The following PRKG1 variants were observed in gnomAD, a reference collection of about 807,000 sequenced individuals.
PRKG1 encodes cGMP-dependent protein kinase 1.
PRKG1 carries 35 observed loss-of-function variants against 88.1 expected under a neutral mutation model. The ratio of observed to expected loss-of-function variants is 0.40; its 90% CI spans 0.30 to 0.53. PRKG1 has a LOEUF of 0.53. PRKG1 is among the 20% of genes least tolerant of loss of function. The probability of loss-of-function intolerance (pLI) is 0.59; values close to 1 mark genes in which losing one functional copy is unlikely to be tolerated. For missense variants in PRKG1, 540 were observed against 839.8 expected, an observed-to-expected ratio of 0.64 and a Z score of 4.41; for synonymous variants, 303 against 292.5, an observed-to-expected ratio of 1.04 and a Z score of -0.37.
intron 3 of PRKG1, among the ~76,000 whole-genome samples, chr10:51,515,878 C>G (rs1272819912): frequency 1.3e-5 from 2 of 152,122 alleles, no homozygotes; most frequent in East Asian, 3.9e-4. Context: ...ATGTGGGCCC[C>G]GTGGCAGTGT....
At chr10:52,259,972 C>T (rs555007231) in intron 10 of PRKG1, among the ~76,000 whole-genome samples, 8 of 151,894 alleles carry the variant, frequency 5.3e-5, no homozygotes, top group Non-Finnish European at 8.8e-5. Flanking sequence ...AAGAAGTTAT[C>T]TTTTTCTTTT....
rs1014612502 is a variant in PRKG1, at chr10:51,581,045, A to G, written c.592+113209A>G. Among the ~76,000 whole-genome samples the G allele has an allele frequency of 1.7e-4, 26 of 152,080 alleles. 2 individuals are homozygous for G. Among genetic ancestry groups the G allele is most frequent in the Admixed American group, 1.7e-3 (26 of 15,260 alleles). On this transcript the variant is annotated intron_variant, in intron 3 of 17. Transcript: ENST00000373980. ...GCCTTCTGGTCCCACGATGCCTCCA[A>G]TGCACTGGATATACCAGCATTTATT...
intron 1 of PRKG1, among the ~76,000 whole-genome samples, chr10:51,122,056 C>A (rs1228018891): frequency 2.6e-5 from 4 of 152,132 alleles, no homozygotes; most frequent in Admixed American, 6.6e-5. Flanking sequence ...AGCATCATGT[C>A]GCTGCTAAAC....
At chr10:51,425,258 T>A (rs1838542724) in intron 2 of PRKG1, among the ~76,000 whole-genome samples, 1 of 152,240 alleles carries the variant, frequency 6.6e-6, no homozygotes, top group Admixed American at 6.5e-5. Flanking sequence ...AAATTATTAA[T>A]GTTTCTGATC....
intron 3 of PRKG1, chr10:51,699,106 C>T (rs1030875757): frequency 1.9e-6 from 3 of 1,614,210 alleles, no homozygotes; most frequent in Non-Finnish European, 2.5e-6. Context: ...GGACACAGAG[C>T]TTCATCTGCT....
intron 5 of PRKG1, among the ~76,000 whole-genome samples, chr10:51,974,885 T>C (rs1370773444): frequency 1.3e-5 from 2 of 152,124 alleles, no homozygotes; most frequent in Admixed American, 1.3e-4. Context: ...TACAGTAGCT[T>C]ATACCTAGTA....
chr10:51,190,707 T>C (rs1170597266), intron 2 of PRKG1, among the ~76,000 whole-genome samples: 39 of 151,890 alleles, frequency 2.6e-4, no homozygotes, highest in Admixed American at 2.5e-3. Flanking sequence ...TTGAGATTTA[T>C]ATTTTTATTC....
At chr10:51,637,960 G>C (rs1371583558) in intron 3 of PRKG1, among the ~76,000 whole-genome samples, 1 of 152,088 alleles carries the variant, frequency 6.6e-6, no homozygotes, top group Non-Finnish European at 1.5e-5. Flanking sequence ...TTGTCAGCCT[G>C]GGCCCTTGGA....
chr10:51,106,080 G>A (rs1844826074), intron 1 of PRKG1, among the ~76,000 whole-genome samples: 1 of 152,216 alleles, frequency 6.6e-6, no homozygotes, highest in Admixed American at 6.5e-5. Flanking sequence ...GAGCGCCCTA[G>A]AATCAGATAA....
intron 2 of PRKG1, among the ~76,000 whole-genome samples, chr10:51,382,614 A>G (rs1837137482): frequency 6.6e-6 from 1 of 152,190 alleles, no homozygotes; most frequent in South Asian, 2.1e-4. Context: ...GTAAGTATTA[A>G]TATTTGTGTC....
chr10:52,192,029 A>G (rs1839376102), intron 9 of PRKG1, among the ~76,000 whole-genome samples: 1 of 152,174 alleles, frequency 6.6e-6, no homozygotes, highest in African/African-American at 2.4e-5. Context: ...AGAGTAAGTA[A>G]TTGGAGCACC....
At chr10:51,584,287 C>T (rs779943067) in intron 3 of PRKG1, among the ~76,000 whole-genome samples, 3 of 151,976 alleles carry the variant, frequency 2.0e-5, no homozygotes, top group Non-Finnish European at 4.4e-5. Flanking sequence ...AAATGCCTAC[C>T]TTATGAGCCA....
chr10:52,228,506 G>A (rs773520966), intron 9 of PRKG1, among the ~76,000 whole-genome samples: 3 of 152,130 alleles, frequency 2.0e-5, no homozygotes, highest in Non-Finnish European at 4.4e-5. Context: ...GGGAATGAGA[G>A]GCCTATATTA....
intron 3 of PRKG1, among the ~76,000 whole-genome samples, chr10:51,683,339 C>CAAAAT (rs1302529314): frequency 1.3e-5 from 2 of 151,930 alleles, no homozygotes; most frequent in African/African-American, 4.8e-5. Context: ...CAAAACAAAA[C>CAAAAT]AAAACAAAAC....
At chr10:51,128,515 C>T (rs1845486836) in intron 1 of PRKG1, among the ~76,000 whole-genome samples, 1 of 152,040 alleles carries the variant, frequency 6.6e-6, no homozygotes, top group Non-Finnish European at 1.5e-5. Flanking sequence ...CTTTTAACTC[C>T]TAATTTACAA....
chr10:51,363,424 ATTTCT>A (rs1265322795), intron 2 of PRKG1, among the ~76,000 whole-genome samples: 1 of 151,904 alleles, frequency 6.6e-6, no homozygotes, highest in Non-Finnish European at 1.5e-5. Flanking sequence ...CAGCTGATTC[ATTTCT>A]TTGCCGAACT....
At chr10:51,100,570 G>A (rs1382512713) in intron 1 of PRKG1, among the ~76,000 whole-genome samples, 1 of 152,150 alleles carries the variant, frequency 6.6e-6, no homozygotes, top group Admixed American at 6.5e-5. Flanking sequence ...AGCTGTGACT[G>A]CCAATAAGCA....
chr10:51,786,411 G>A (rs1032618840), intron 3 of PRKG1, among the ~76,000 whole-genome samples: 1 of 152,084 alleles, frequency 6.6e-6, no homozygotes, highest in Non-Finnish European at 1.5e-5. Flanking sequence ...ATAAAGTAAG[G>A]TTTTGCTAGC....
At chr10:51,184,205 TC>T (rs1837423414) in intron 2 of PRKG1, among the ~76,000 whole-genome samples, 1 of 152,220 alleles carries the variant, frequency 6.6e-6, no homozygotes, top group Non-Finnish European at 1.5e-5. Context: ...TTGGATTCTC[TC>T]CCTTATTATA....
Sources: gnomAD v4.1 joint callset for allele counts (sites outside exome capture counted in the v4.1 genomes callset) on GRCh38, gnomAD v4.1.1 for gene constraint, MANE v1.5 for transcripts, NCBI Gene and HGNC (gene_info 2026-07-23, HGNC 2026-07-21) for gene names.